Variants in RHOJ observed in about 807,000 individuals in gnomAD.
RHOJ encodes ras homolog family member J.
In RHOJ, 11 loss-of-function variants were observed where a neutral mutation model predicts 23.4. That is an observed-to-expected ratio of 0.47 (90% CI 0.30 to 0.78). The LOEUF is 0.78. Among genes scored for constraint, RHOJ ranks in the 30% least tolerant of loss-of-function variants. The pLI is 0.08. For synonymous variants in RHOJ, 102 were observed against 102.7 expected, an observed-to-expected ratio of 0.99 and a Z score of 0.04; for missense variants, 254 against 273.4, an observed-to-expected ratio of 0.93 and a Z score of 0.50.
chr14:63,238,610 C>T (rs1894830991), intron 1 of RHOJ, among the ~76,000 whole-genome samples: 1 of 152,052 alleles, frequency 6.6e-6, no homozygotes, highest in African/African-American at 2.4e-5. Context: ...TTTTTAGAGA[C>T]AGGGTCTCAC....
intron 2 of RHOJ, among the ~76,000 whole-genome samples, chr14:63,271,449 T>G (rs1441817675): frequency 6.6e-6 from 1 of 152,248 alleles, no homozygotes; most frequent in Non-Finnish European, 1.5e-5. Flanking sequence ...TAATTCATTT[T>G]CTAGAACAGT....
intron 1 of RHOJ, among the ~76,000 whole-genome samples, chr14:63,239,702 A>G (rs952469061): frequency 1.3e-5 from 2 of 152,208 alleles, no homozygotes; most frequent in Non-Finnish European, 2.9e-5. Context: ...AGGGGCTAAG[A>G]CAATCATGTC....
At chr14:63,217,063 C>G (rs1200307811) in intron 1 of RHOJ, among the ~76,000 whole-genome samples, 5 of 135,656 alleles carry the variant, frequency 3.7e-5, no homozygotes, top group Admixed American at 2.5e-4. Flanking sequence ...CCTATTCTTT[C>G]CCGCTTTTTT....
intron 2 of RHOJ, among the ~76,000 whole-genome samples, chr14:63,274,063 C>G (rs188347658): frequency 6.6e-6 from 1 of 152,182 alleles, no homozygotes; most frequent in Non-Finnish European, 1.5e-5. Context: ...TCTGAAGTCC[C>G]GCTTTCCCCC....
intron 2 of RHOJ, among the ~76,000 whole-genome samples, chr14:63,270,746 TCC>T (rs1266442921): frequency 1.3e-5 from 2 of 152,190 alleles, no homozygotes; most frequent in Non-Finnish European, 2.9e-5. Flanking sequence ...ACTAATATAA[TCC>T]TGTTTGAAAA....
intron 2 of RHOJ, among the ~76,000 whole-genome samples, chr14:63,280,344 AG>A (rs1881858554): frequency 6.6e-6 from 1 of 152,202 alleles, no homozygotes; most frequent in Non-Finnish European, 1.5e-5. Context: ...TTGAATACAT[AG>A]AAACAGAGAG....
chr14:63,251,409 A>G (rs951335188), intron 1 of RHOJ, among the ~76,000 whole-genome samples: 2 of 152,238 alleles, frequency 1.3e-5, no homozygotes, highest in African/African-American at 4.8e-5. Flanking sequence ...TGTTCACTAC[A>G]TTATTGTAAG....
chr14:63,239,197 C>T (rs1243555460), intron 1 of RHOJ, among the ~76,000 whole-genome samples: 1 of 152,068 alleles, frequency 6.6e-6, no homozygotes, highest in African/African-American at 2.4e-5. Context: ...CCGCAACCTC[C>T]GCCTCCCAGA....
rs1301424091 is a variant in RHOJ at position 63,293,258 on chromosome 14, G to A, written c.*2234G>A. On this transcript the variant is annotated 3_prime_UTR_variant, in exon 5 of 5. Transcript: ENST00000316754. ...ATTGCATAGTTATATCTTGCTAACG[G>A]GCCACTCATTTCTCACTGATGTGGA... 1 of 152,152 alleles carries A rather than the reference G, an allele frequency of 6.6e-6. No homozygotes were observed. Among genetic ancestry groups the A allele is most frequent in the Non-Finnish European group, 1.5e-5 (1 of 68,034 alleles). The allele number at this position is 152,152 out of a possible 1,614,324, so 9.4% of individuals were successfully genotyped here.
chr14:63,245,604 G>C (rs761718621), intron 1 of RHOJ, among the ~76,000 whole-genome samples: 1 of 152,144 alleles, frequency 6.6e-6, no homozygotes, highest in Non-Finnish European at 1.5e-5. Flanking sequence ...ACCGCAGTGA[G>C]CTATGATTGT....
chr14:63,221,112 T>C (rs1021131344), intron 1 of RHOJ, among the ~76,000 whole-genome samples: 4 of 152,024 alleles, frequency 2.6e-5, no homozygotes, highest in African/African-American at 7.3e-5. Context: ...AGAGATTGCG[T>C]GAGTCCAGGA....
chr14:63,232,649 T>C (rs898314021), intron 1 of RHOJ, among the ~76,000 whole-genome samples: 13 of 151,976 alleles, frequency 8.6e-5, no homozygotes, highest in African/African-American at 2.7e-4. Flanking sequence ...GCAAGCATAA[T>C]AATTATACCA....
chr14:63,256,170 G>A (rs1383999302), intron 1 of RHOJ, among the ~76,000 whole-genome samples: 1 of 152,124 alleles, frequency 6.6e-6, no homozygotes, highest in Non-Finnish European at 1.5e-5. Context: ...GATTACAGGT[G>A]TGAGCTACCA....
intron 1 of RHOJ, among the ~76,000 whole-genome samples, chr14:63,261,419 G>A (rs1451742235): frequency 6.6e-6 from 1 of 151,340 alleles, no homozygotes; most frequent in Non-Finnish European, 1.5e-5. Context: ...TGCTAACATT[G>A]CCTTTTTTCT....
intron 1 of RHOJ, among the ~76,000 whole-genome samples, chr14:63,224,584 A>G (rs529194771): frequency 3.3e-5 from 5 of 152,224 alleles, no homozygotes; most frequent in African/African-American, 4.8e-5. Flanking sequence ...AAAACACTCT[A>G]TTCTAAAAGA....
chr14:63,280,923 G>C, intron 2 of RHOJ, 48 bp from the exon 3 acceptor site: 1 of 1,563,688 alleles, frequency 6.4e-7, no homozygotes, highest in Non-Finnish European at 8.7e-7. Flanking sequence ...AACTACATGG[G>C]ACACACCTTA....
At chr14:63,253,909 G>T (rs554609079) in intron 1 of RHOJ, among the ~76,000 whole-genome samples, 36 of 152,306 alleles carry the variant, frequency 2.4e-4, no homozygotes, top group African/African-American at 7.5e-4. Flanking sequence ...GTAACTAGCA[G>T]GTATGTTCTG....
At chr14:63,266,744 A>C (rs1202800734) in intron 1 of RHOJ, among the ~76,000 whole-genome samples, 1 of 152,184 alleles carries the variant, frequency 6.6e-6, no homozygotes, top group African/African-American at 2.4e-5. Context: ...ATTTTTGTAC[A>C]TTGATTTTTA....
chr14:63,214,225 T>C (rs1297066625), intron 1 of RHOJ, among the ~76,000 whole-genome samples: 1 of 152,220 alleles, frequency 6.6e-6, no homozygotes, highest in Non-Finnish European at 1.5e-5. Context: ...CAGACCCATT[T>C]AGAGACAGAG....
Sources: gnomAD v4.1 joint callset for allele counts (sites outside exome capture counted in the v4.1 genomes callset) on GRCh38, gnomAD v4.1.1 for gene constraint, MANE v1.5 for transcripts, NCBI Gene and HGNC (gene_info 2026-07-23, HGNC 2026-07-21) for gene names.